DTL: variants seen among roughly 807,000 people sequenced by gnomAD.
DTL encodes denticleless protein homolog.
A neutral mutation model predicts 87.0 loss-of-function variants in DTL; 46 were observed. The observed-to-expected ratio is 0.53, with a 90% CI of 0.42 to 0.68. DTL has a LOEUF of 0.68. DTL is among the 30% of genes least tolerant of loss of function. The pLI, the probability that DTL is intolerant of heterozygous loss-of-function variation, is 0.00. For missense variants in DTL, 737 were observed against 869.4 expected (o/e 0.85, Z 1.91); for synonymous variants, 308 against 311.2 (o/e 0.99, Z 0.11).
At chr1:212,099,528 C>A in intron 13 of DTL, 1 of 152,782 alleles carries the variant, frequency 6.5e-6, no homozygotes, top group Non-Finnish European at 1.5e-5. Flanking sequence ...GCCACCACAC[C>A]CAGCCACCCT....
At chr1:212,059,122 C>T (rs1227820400) in intron 5 of DTL, among the ~76,000 whole-genome samples, 1 of 152,134 alleles carries the variant, frequency 6.6e-6, no homozygotes, top group Non-Finnish European at 1.5e-5. Context: ...CACCAGTTCT[C>T]AAACTATTCC....
At chr1:212,097,082 C>G (rs1655474179) in intron 13 of DTL, among the ~76,000 whole-genome samples, 1 of 152,170 alleles carries the variant, frequency 6.6e-6, no homozygotes, top group Non-Finnish European at 1.5e-5. Flanking sequence ...AAAAGACTTT[C>G]ATCTTTTCTT....
intron 1 of DTL, among the ~76,000 whole-genome samples, chr1:212,041,671 A>AT (rs369950280): frequency 0.027 from 4,042 of 149,102 alleles, 58 homozygotes; most frequent in African/African-American, 0.048. Flanking sequence ...CGCCTGGCTA[A>AT]TTTTTTTTTT....
At chr1:212,077,929 G>C (rs761251441) in intron 11 of DTL, among the ~76,000 whole-genome samples, 30 of 152,092 alleles carry the variant, frequency 2.0e-4, no homozygotes, top group Non-Finnish European at 3.7e-4. Flanking sequence ...GACTATCCTT[G>C]TGTGTAAGCT....
chr1:212,062,068 C>T (rs900669634), intron 5 of DTL, among the ~76,000 whole-genome samples: 7 of 152,176 alleles, frequency 4.6e-5, no homozygotes, highest in Non-Finnish European at 1.0e-4. Context: ...CTGACTTGAT[C>T]ATAACACATT....
At position 212,080,770 on chromosome 1, in the gene DTL, T is replaced by G. The variant is rs372485249; in HGVS notation, c.1261+20T>G. Reference sequence around the variant, plus strand: ...GCCTAGGTAAGGATATCATATACTTTCCAAGTTTTTTATGGTTTGACTAGT... The same window carrying G: ...GCCTAGGTAAGGATATCATATACTTGCCAAGTTTTTTATGGTTTGACTAGT... On this transcript the variant is annotated intron_variant, in intron 13 of 14. Transcript: ENST00000366991. 17 of 1,611,018 alleles carry G rather than the reference T, an allele frequency of 1.1e-5. No individual in the cohort carries two copies. In the African/African-American group the frequency reaches 1.9e-4, roughly 18 times the overall value.
intron 13 of DTL, among the ~76,000 whole-genome samples, chr1:212,081,810 TC>T (rs1303067703): frequency 6.6e-6 from 1 of 152,144 alleles, no homozygotes; most frequent in Non-Finnish European, 1.5e-5. Context: ...TAGATAAATA[TC>T]CCTGCAGGAA....
intron 10 of DTL, among the ~76,000 whole-genome samples, chr1:212,069,398 T>C (rs1654602245): frequency 6.6e-6 from 1 of 152,120 alleles, no homozygotes; most frequent in Non-Finnish European, 1.5e-5. Flanking sequence ...TTATTCCTCA[T>C]CTATAGATCT....
chr1:212,087,174 A>G (rs1395867979), intron 13 of DTL, among the ~76,000 whole-genome samples: 1 of 152,228 alleles, frequency 6.6e-6, no homozygotes, highest in Admixed American at 6.5e-5. Context: ...AAGTTGTAGA[A>G]CCAGAGTCTA....
rs760366214 is a variant in DTL, at chr1:212,101,013, C to A, written c.2023C>A (p.Pro675Thr). The change falls in exon 14 of 15, where the codon CCA (proline) becomes ACA (threonine). Residue 675 changes from proline to threonine, a missense_variant. Pro to Thr is a conservative substitution (Grantham distance 38). Coordinates refer to ENST00000366991, the MANE Select transcript of DTL (RefSeq NM_016448.4). ...AMAAKRKAEN[P>T]SPRSPSSQTP... ...GGCAGCCAAACGGAAGGCTGAGAATCCATCTCCACGAAGTCCGTCATCCCA... is the reference window on the plus strand; with the variant it reads ...GGCAGCCAAACGGAAGGCTGAGAATACATCTCCACGAAGTCCGTCATCCCA... 16 of 1,614,048 alleles carry A rather than the reference C, an allele frequency of 9.9e-6. No individual in the cohort carries two copies. The highest frequency in any genetic ancestry group is 1.4e-5 in the Non-Finnish European group (16 of 1,179,964).
At chr1:212,091,413 T>C (rs1174944941) in intron 13 of DTL, among the ~76,000 whole-genome samples, 1 of 152,046 alleles carries the variant, frequency 6.6e-6, no homozygotes, top group African/African-American at 2.4e-5. Context: ...AAATTGAAAA[T>C]AGAACTACCA....
intron 1 of DTL, among the ~76,000 whole-genome samples, chr1:212,040,156 T>G (rs192872147): frequency 2.6e-5 from 4 of 152,220 alleles, no homozygotes; most frequent in African/African-American, 9.6e-5. Context: ...TTCATATTCT[T>G]ATTCTATAAG....
intron 1 of DTL, 58 bp downstream of exon 1, chr1:212,036,000 C>CA: frequency 1.9e-6 from 3 of 1,552,178 alleles, no homozygotes; most frequent in South Asian, 2.2e-5. Context: ...CCCCGAAACA[C>CA]ACGCCACCTC....
At chr1:212,081,203 G>T (rs976303320) in intron 13 of DTL, among the ~76,000 whole-genome samples, 1 of 152,132 alleles carries the variant, frequency 6.6e-6, no homozygotes, top group Non-Finnish European at 1.5e-5. Flanking sequence ...TTTATATTAG[G>T]TGACCAGGGG....
chr1:212,046,507 G>T (rs1667810714), intron 3 of DTL, among the ~76,000 whole-genome samples: 1 of 152,028 alleles, frequency 6.6e-6, no homozygotes, highest in South Asian at 2.1e-4. Flanking sequence ...TGTTCTCGTT[G>T]TTCAGCTCCC....
intron 6 of DTL, among the ~76,000 whole-genome samples, chr1:212,063,449 T>G (rs890868293): frequency 2.0e-5 from 3 of 151,718 alleles, no homozygotes; most frequent in Non-Finnish European, 4.4e-5. Context: ...CCACCATGCC[T>G]GGCTAATTTT....
chr1:212,102,440 A>AT (rs1272994691), intron 14 of DTL, among the ~76,000 whole-genome samples: 4 of 152,204 alleles, frequency 2.6e-5, no homozygotes, highest in Non-Finnish European at 4.4e-5. Context: ...TTTCTTAAAA[A>AT]TTTTTTACCT....
intron 1 of DTL, among the ~76,000 whole-genome samples, chr1:212,041,154 A>G (rs1667628343): frequency 6.6e-6 from 1 of 152,188 alleles, no homozygotes; most frequent in Non-Finnish European, 1.5e-5. Context: ...ATCCAAAAGT[A>G]GCTTAGGGTG....
chr1:212,050,852 C>T (rs915949962), intron 5 of DTL, among the ~76,000 whole-genome samples: 1 of 152,170 alleles, frequency 6.6e-6, no homozygotes, highest in African/African-American at 2.4e-5. Flanking sequence ...CCTGAAATCA[C>T]TCTTGCTAAG....
Sources: gnomAD v4.1 joint callset for allele counts (sites outside exome capture counted in the v4.1 genomes callset) on GRCh38, gnomAD v4.1.1 for gene constraint, MANE v1.5 for transcripts, NCBI Gene and HGNC (gene_info 2026-07-23, HGNC 2026-07-21) for gene names.